BMP5: variants seen among roughly 807,000 people sequenced by gnomAD.
BMP5 encodes bone morphogenetic protein 5.
BMP5 carries 23 observed loss-of-function variants against 46.6 expected under a neutral mutation model. The observed-to-expected ratio is 0.49, with a 90% CI of 0.35 to 0.70. BMP5 has a LOEUF of 0.70. BMP5 is among the 30% of genes least tolerant of loss of function. The pLI, the probability that BMP5 is intolerant of heterozygous loss-of-function variation, is 0.00. For missense variants in BMP5, 545 were observed against 565.6 expected (o/e 0.96, Z 0.37); for synonymous variants, 204 against 191.9 (o/e 1.06, Z -0.52).
intron 3 of BMP5, among the ~76,000 whole-genome samples, chr6:55,774,839 T>G (rs1459020706): frequency 6.6e-6 from 1 of 152,004 alleles, no homozygotes; most frequent in Admixed American, 6.6e-5. Flanking sequence ...TAAGCCGCAG[T>G]TATTAAAAGT....
chr6:55,834,062 G>T (rs980402714), intron 1 of BMP5, among the ~76,000 whole-genome samples: 2 of 152,088 alleles, frequency 1.3e-5, no homozygotes, highest in African/African-American at 4.8e-5. Context: ...CACGATTGGG[G>T]AACAAAAGAA....
intron 4 of BMP5, among the ~76,000 whole-genome samples, chr6:55,769,148 C>T (rs186705365): frequency 7.1e-4 from 108 of 151,948 alleles, no homozygotes; most frequent in Non-Finnish European, 1.2e-3. Context: ...TAAAAGACAA[C>T]GATAAAATTT....
intron 2 of BMP5, among the ~76,000 whole-genome samples, chr6:55,809,726 T>C (rs1776077879): frequency 6.6e-6 from 1 of 152,040 alleles, no homozygotes; most frequent in Non-Finnish European, 1.5e-5. Context: ...ACCAATAGGA[T>C]AGCCACTCTA....
chr6:55,865,454 T>C, intron 1 of BMP5: 1 of 495,520 alleles, frequency 2.0e-6, no homozygotes, highest in Non-Finnish European at 4.0e-6. Context: ...CAGAAAATGT[T>C]GCTTTTGGGT....
rs1774518182 is a variant in BMP5 at position 55,754,034 on chromosome 6, A to C, written c.*1499T>G. The C allele has an allele frequency of 6.6e-6, 1 of 151,988 alleles. No individual in the cohort carries two copies. The highest frequency in any genetic ancestry group is 6.6e-5 in the Admixed American group (1 of 15,214). 9.4% of individuals were successfully genotyped at this position (151,988 alleles called of 1,614,324 possible). ...TTTAAGATAAACTGTATTTCAAAAC[A>C]ACATTTTAATATACCCGAATTACAA... On this transcript the variant is annotated 3_prime_UTR_variant, in exon 7 of 7. Coordinates refer to ENST00000370830, the MANE Select transcript of BMP5 (RefSeq NM_021073.4).
intron 6 of BMP5, among the ~76,000 whole-genome samples, chr6:55,758,167 G>T (rs1164455980): frequency 6.6e-6 from 1 of 151,800 alleles, no homozygotes; most frequent in East Asian, 1.9e-4. Context: ...CTAAAATAAT[G>T]TGTTCTCTCC....
chr6:55,844,311 T>C (rs185124191), intron 1 of BMP5, among the ~76,000 whole-genome samples: 1 of 152,126 alleles, frequency 6.6e-6, no homozygotes. Context: ...ATTTGGATAA[T>C]CAAATAAAAA....
At chr6:55,803,218 C>A (rs1775896566) in intron 2 of BMP5, among the ~76,000 whole-genome samples, 1 of 151,882 alleles carries the variant, frequency 6.6e-6, no homozygotes, top group Non-Finnish European at 1.5e-5. Context: ...ATCGCTTAAA[C>A]CCAGGAGGCA....
chr6:55,760,095 G>T (rs1774729403), intron 5 of BMP5, among the ~76,000 whole-genome samples: 1 of 151,880 alleles, frequency 6.6e-6, no homozygotes, highest in Admixed American at 6.6e-5. Context: ...CATTCCAATA[G>T]TTGGAGACCC....
intron 1 of BMP5, among the ~76,000 whole-genome samples, chr6:55,833,849 G>T (rs983030183): frequency 6.6e-6 from 1 of 151,856 alleles, no homozygotes; most frequent in Non-Finnish European, 1.5e-5. Context: ...ATAAAGCTTT[G>T]GTGTATATTC....
intron 1 of BMP5, among the ~76,000 whole-genome samples, chr6:55,864,985 A>C (rs1219084112): frequency 1.3e-5 from 2 of 152,164 alleles, no homozygotes; most frequent in Non-Finnish European, 2.9e-5. Context: ...ACAAAATTAT[A>C]ATAATGATTT....
intron 1 of BMP5, among the ~76,000 whole-genome samples, chr6:55,871,665 A>G (rs1777790615): frequency 6.6e-6 from 1 of 151,848 alleles, no homozygotes; most frequent in Non-Finnish European, 1.5e-5. Flanking sequence ...GTTCTTCGTG[A>G]CCAAAACTAT....
chr6:55,833,479 C>T (rs1197917157), intron 1 of BMP5, among the ~76,000 whole-genome samples: 1 of 152,166 alleles, frequency 6.6e-6, no homozygotes, highest in Non-Finnish European at 1.5e-5. Context: ...TTATGACAGG[C>T]TTTATTCTTT....
At chr6:55,788,921 A>G (rs1348072940) in intron 3 of BMP5, among the ~76,000 whole-genome samples, 1 of 151,728 alleles carries the variant, frequency 6.6e-6, no homozygotes, top group African/African-American at 2.4e-5. Context: ...TTACCATATA[A>G]TTTAATTTGA....
chr6:55,824,737 T>C (rs539994698), intron 1 of BMP5, among the ~76,000 whole-genome samples: 7 of 151,920 alleles, frequency 4.6e-5, no homozygotes, highest in African/African-American at 1.7e-4. Context: ...GTCAATCAAT[T>C]TGCTTCTAAT....
chr6:55,819,190 A>G (rs115938675), intron 2 of BMP5, among the ~76,000 whole-genome samples: 1,849 of 152,286 alleles, frequency 0.012, 38 homozygotes, highest in African/African-American at 0.042. Flanking sequence ...ATCATTCCGA[A>G]TTAACCAACT....
intron 3 of BMP5, among the ~76,000 whole-genome samples, chr6:55,781,899 G>C (rs1352488532): frequency 6.6e-6 from 1 of 151,898 alleles, no homozygotes; most frequent in African/African-American, 2.4e-5. Context: ...TTAAATATTT[G>C]ACCTTCCCTT....
At chr6:55,844,473 TTAA>T (rs1298556421) in intron 1 of BMP5, among the ~76,000 whole-genome samples, 1 of 152,032 alleles carries the variant, frequency 6.6e-6, no homozygotes, top group Admixed American at 6.6e-5. Flanking sequence ...GAACTTATTT[TTAA>T]TGTTATATAT....
At chr6:55,773,714 C>T (rs919601916) in intron 4 of BMP5, among the ~76,000 whole-genome samples, 4 of 151,876 alleles carry the variant, frequency 2.6e-5, no homozygotes, top group African/African-American at 4.8e-5. Flanking sequence ...GTTGACCATC[C>T]ATTTTTGAAA....
Sources: allele counts gnomAD v4.1 joint callset (sites outside exome capture counted in the v4.1 genomes callset), GRCh38; gene constraint gnomAD v4.1.1; transcripts MANE v1.5; gene names NCBI Gene and HGNC (gene_info 2026-07-23, HGNC 2026-07-21).